Variants in DAB2IP observed in about 807,000 individuals in gnomAD.
DAB2IP encodes DAB2 interacting protein.
Under a neutral mutation model 107.2 loss-of-function variants are expected in DAB2IP, and 28 were observed. The observed-to-expected ratio is 0.26, with a 90% CI of 0.19 to 0.36. The LOEUF (loss-of-function observed/expected upper bound fraction) is 0.36, where lower values mean the gene tolerates loss of function less well. Ranked by LOEUF, DAB2IP falls within the 10% of genes least tolerant of loss-of-function variation. The pLI is 1.00. For synonymous variants in DAB2IP, 755 were observed against 706.4 expected (o/e 1.07, Z -1.09); for missense variants, 1,400 against 1,644.7 (o/e 0.85, Z 2.57).
chr9:121,693,981 G>C (rs1033310111), intron 2 of DAB2IP, among the ~76,000 whole-genome samples: 2 of 152,162 alleles, frequency 1.3e-5, no homozygotes, highest in African/African-American at 2.4e-5. Flanking sequence ...TCCTCGGCTG[G>C]GAGTGTGGCA....
chr9:121,611,221 G>A (rs1369446848), intron 1 of DAB2IP, among the ~76,000 whole-genome samples: 1 of 152,214 alleles, frequency 6.6e-6, no homozygotes, highest in Non-Finnish European at 1.5e-5. Context: ...TGATCTGGCT[G>A]CCTCAGCCTC....
At chr9:121,717,268 G>C (rs998670655) in intron 3 of DAB2IP, among the ~76,000 whole-genome samples, 5 of 152,204 alleles carry the variant, frequency 3.3e-5, no homozygotes, top group African/African-American at 1.2e-4. Context: ...CCTAAGAGTT[G>C]GCCTGCTGCT....
chr9:121,630,582 T>C (rs1296624202), intron 1 of DAB2IP, among the ~76,000 whole-genome samples: 2 of 151,094 alleles, frequency 1.3e-5, no homozygotes, highest in African/African-American at 4.9e-5. Flanking sequence ...CCCGGCTAAT[T>C]TTTGTATTTT....
intron 3 of DAB2IP, among the ~76,000 whole-genome samples, chr9:121,754,518 C>T (rs944654425): frequency 6.6e-6 from 1 of 152,190 alleles, no homozygotes; most frequent in East Asian, 1.9e-4. Context: ...CATCCCACCC[C>T]GTGGAGAAGC....
In DAB2IP at chr9:121,594,483, C is replaced by T. The variant is rs1047119881; in HGVS notation, c.40+27255C>T. Among the ~76,000 whole-genome samples the T allele has an allele frequency of 4.0e-5, 6 of 151,866 alleles. No homozygotes were observed. The South Asian group carries it at 1.0e-3, about 26-fold the overall frequency. ...AACTCCTGACCTCAGGTGATCTACC[C>T]GCCTCGGCCTCCCAAAGTGCTGGGA... On this transcript the variant is annotated intron_variant, in intron 1 of 16. Coordinates refer to the DAB2IP transcript ENST00000259371.
At chr9:121,622,064 C>T (rs1242665157) in intron 1 of DAB2IP, among the ~76,000 whole-genome samples, 1 of 147,276 alleles carries the variant, frequency 6.8e-6, no homozygotes. Context: ...TCTCAGCTCA[C>T]TGCAACCTCT....
intron 1 of DAB2IP, among the ~76,000 whole-genome samples, chr9:121,670,232 G>C (rs1833621462): frequency 6.6e-6 from 1 of 152,210 alleles, no homozygotes; most frequent in Non-Finnish European, 1.5e-5. Context: ...ATCCATCCAA[G>C]TTGTCGTGTG....
At chr9:121,682,566 C>T (rs964626719) in intron 2 of DAB2IP, among the ~76,000 whole-genome samples, 14 of 152,172 alleles carry the variant, frequency 9.2e-5, no homozygotes, top group South Asian at 4.1e-4. Context: ...GGACCTGCAG[C>T]CACTCTGTAG....
chr9:121,771,033 G>A (rs1389643087), intron 11 of DAB2IP, among the ~76,000 whole-genome samples: 1 of 152,198 alleles, frequency 6.6e-6, no homozygotes, highest in African/African-American at 2.4e-5. Flanking sequence ...ATAATTGCTG[G>A]TCCCAAATAC....
intron 1 of DAB2IP, among the ~76,000 whole-genome samples, chr9:121,671,737 C>T (rs1177893378): frequency 6.6e-6 from 1 of 152,190 alleles, no homozygotes; most frequent in African/African-American, 2.4e-5. Flanking sequence ...ATCTCTATAG[C>T]TCTAGGTCCT....
intron 2 of DAB2IP, among the ~76,000 whole-genome samples, chr9:121,680,347 G>A (rs568215560): frequency 6.6e-6 from 1 of 152,338 alleles, no homozygotes; most frequent in South Asian, 2.1e-4. Flanking sequence ...GCCAGGGCAG[G>A]GCCTGGGAAC....
At chr9:121,740,383 G>A (rs762033487) in intron 3 of DAB2IP, among the ~76,000 whole-genome samples, 15 of 152,192 alleles carry the variant, frequency 9.9e-5, no homozygotes, top group Non-Finnish European at 1.8e-4. Flanking sequence ...TGTTCCCCCC[G>A]TCAGCCCCTT....
chr9:121,642,015 CTCTCTCTCTCTCTCTCTTTCTTTCTT>C lies in DAB2IP; in HGVS notation c.41-36659_41-36634del, dbSNP rs1436095091. Among the ~76,000 whole-genome samples the C allele has an allele frequency of 3.6e-4, 10 of 27,974 alleles. 1 individual carries two copies. Among genetic ancestry groups the C allele is most frequent in the African/African-American group, 1.5e-3 (10 of 6,526 alleles). 18.4% of individuals were successfully genotyped at this position (27,974 alleles called of 152,430 possible). On this transcript the variant is annotated intron_variant, in intron 1 of 16. Coordinates refer to the DAB2IP transcript ENST00000259371. ...TTCCTTTCTCTCTCTCTCTCTCTCT[CTCTCTCTCTCTCTCTCTTTCTTTCTT>C]TCTTTCTTTCTTTCTTTCTTTCTTT...
At chr9:121,774,202 G>C in intron 12 of DAB2IP, 58 bp from the exon 13 acceptor site, 5 of 1,454,912 alleles carry the variant, frequency 3.4e-6, no homozygotes, top group Admixed American at 2.3e-5. Flanking sequence ...GGCCACTCCC[G>C]CCCCTCCTGC....
Position 121,752,406 on chromosome 9 carries a change from G to C in DAB2IP, c.363-4607G>C, listed in dbSNP as rs113961292. 6.1e-3 allele frequency among the ~76,000 whole-genome samples: 915 copies of C among 148,960 alleles called. 35 individuals carry two copies. Among genetic ancestry groups the C allele is most frequent in the African/African-American group, 0.023 (866 of 38,410 alleles). ...TTGGTCCAGGAACTCTAAGGCTCTG[G>C]ACCTTGGAGCCAGCCAGACCCAACT... On this transcript the variant is annotated intron_variant, in intron 3 of 15. Coordinates refer to ENST00000408936, the Ensembl canonical transcript of DAB2IP.
chr9:121,612,195 G>T (rs1481658297), intron 1 of DAB2IP, among the ~76,000 whole-genome samples: 1 of 151,928 alleles, frequency 6.6e-6, no homozygotes, highest in African/African-American at 2.4e-5. Flanking sequence ...GTGTGTGCCT[G>T]TAGTCCCAGC....
intron 2 of DAB2IP, among the ~76,000 whole-genome samples, chr9:121,682,343 G>T (rs1272555278): frequency 6.6e-6 from 1 of 152,210 alleles, no homozygotes; most frequent in East Asian, 1.9e-4. Context: ...AACCCAGATG[G>T]CAGGCTGTCA....
At chr9:121,685,225 C>T (rs972420454) in intron 2 of DAB2IP, among the ~76,000 whole-genome samples, 13 of 152,216 alleles carry the variant, frequency 8.5e-5, no homozygotes, top group South Asian at 4.1e-4. Flanking sequence ...GGAACATTAC[C>T]GTCATTTTGG....
In DAB2IP at chr9:121,653,202, GTACTCCTT is replaced by G. The variant is rs1363512070; in HGVS notation, c.124+1304_124+1311del. ...CCTTGGAGGGAGTACTAAGCCTTTA[GTACTCCTT>G]GGAGGGAGTACTAAGCCTTTAGTAC... On this transcript the variant is annotated intron_variant, in intron 1 of 15. Transcript: ENST00000408936. Among the ~76,000 whole-genome samples, 4 of 54,754 alleles carry G rather than the reference GTACTCCTT, an allele frequency of 7.3e-5. 1 individual carries two copies. Among genetic ancestry groups the G allele is most frequent in the African/African-American group, 1.5e-4 (3 of 20,080 alleles). 35.9% of individuals were successfully genotyped at this position (54,754 alleles called of 152,430 possible). A position where few individuals can be genotyped will look rare whatever the true frequency, so the allele number is the denominator to read the frequency against.
Sources: allele counts gnomAD v4.1 joint callset (sites outside exome capture counted in the v4.1 genomes callset), GRCh38; gene constraint gnomAD v4.1.1; transcripts MANE v1.5; gene names NCBI Gene and HGNC (gene_info 2026-07-23, HGNC 2026-07-21).